The following KANSL2 variants were observed in gnomAD, a reference collection of about 807,000 sequenced individuals.
KANSL2 encodes the protein KAT8 regulatory NSL complex subunit 2.
KANSL2 carries 34 observed loss-of-function variants against 55.6 expected under a neutral mutation model. That is an observed-to-expected ratio of 0.61 (90% CI 0.46 to 0.81). The LOEUF (loss-of-function observed/expected upper bound fraction) is 0.81. Among genes scored for constraint, KANSL2 ranks in the 40% least tolerant of loss-of-function variants. KANSL2 has a pLI of 0.00. For missense variants in KANSL2, 502 were observed against 609.9 expected (o/e 0.82, Z 1.86); for synonymous variants, 209 against 214.3 (o/e 0.98, Z 0.22).
chr12:48,669,296 T>C, intron 5 of KANSL2, 24 bp from the exon 6 acceptor site: 1 of 1,506,034 alleles, frequency 6.6e-7, no homozygotes, highest in Non-Finnish European at 8.9e-7. Flanking sequence ...AGTCAAGATG[T>C]TATTTGCCAA....
intron 7 of KANSL2, among the ~76,000 whole-genome samples, chr12:48,667,177 T>A (rs1003133726): frequency 2.0e-5 from 3 of 151,840 alleles, no homozygotes; most frequent in African/African-American, 7.3e-5. Context: ...AGAGCAAAAC[T>A]CCATCTCCAA....
chr12:48,654,468 T>C (rs1416672314), intron 9 of KANSL2: 2 of 668,568 alleles, frequency 3.0e-6, no homozygotes, highest in Admixed American at 3.6e-5. Context: ...TTTAGGCCTC[T>C]GCTTGAAACC....
chr12:48,662,342 T>G (rs776769827), intron 7 of KANSL2, among the ~76,000 whole-genome samples: 162 of 152,316 alleles, frequency 1.1e-3, no homozygotes, highest in Non-Finnish European at 1.9e-3. Flanking sequence ...TGACCTCAGG[T>G]GATCAGCCCG....
chr12:48,664,468 T>C (rs146036505), intron 7 of KANSL2, among the ~76,000 whole-genome samples: 1,852 of 151,638 alleles, frequency 0.012, 33 homozygotes, highest in African/African-American at 0.043. Context: ...TTAGTAGAGA[T>C]GGGGTTTTGC....
At chr12:48,659,233 G>A (rs1316079881) in intron 8 of KANSL2, among the ~76,000 whole-genome samples, 1 of 152,022 alleles carries the variant, frequency 6.6e-6, no homozygotes, top group Non-Finnish European at 1.5e-5. Flanking sequence ...GGCAGAGGCT[G>A]CAGTGAGCTG....
intron 2 of KANSL2, chr12:48,681,118 TAA>T (rs1057233108): frequency 0.026 from 3,428 of 130,782 alleles, no homozygotes; most frequent in South Asian, 0.076. Flanking sequence ...CCATCTCTCT[TAA>T]AAAAAAAAAA....
At chr12:48,663,381 G>A (rs1187587159) in intron 7 of KANSL2, among the ~76,000 whole-genome samples, 1 of 152,020 alleles carries the variant, frequency 6.6e-6, no homozygotes, top group Non-Finnish European at 1.5e-5. Context: ...TTGAAAAATT[G>A]TATATTTTAA....
At chr12:48,679,612 A>C in intron 3 of KANSL2, 43 bp downstream of exon 3, 1 of 1,561,206 alleles carries the variant, frequency 6.4e-7, no homozygotes, top group Non-Finnish European at 8.8e-7. Context: ...GTTCCCCCTT[A>C]ACTTTCTTCC....
rs563240503 is a variant in KANSL2 at position 48,675,465 on chromosome 12, A to G, written c.546-3503T>C. Reference sequence around the variant, plus strand: ...AGTTACATCTTCAGAAAAATGGGTTATGCCTACATTAACCTGTCTGTAACC... The same window carrying G: ...AGTTACATCTTCAGAAAAATGGGTTGTGCCTACATTAACCTGTCTGTAACC... On this transcript the variant is annotated intron_variant, in intron 4 of 9. Coordinates refer to ENST00000420613, the MANE Select transcript of KANSL2 (RefSeq NM_017822.4). Among the ~76,000 whole-genome samples the G allele has an allele frequency of 3.9e-5, 6 of 152,334 alleles. No individual in the cohort carries two copies. The South Asian group carries it at 1.0e-3, about 26-fold the overall frequency.
At chr12:48,672,433 A>ATATATAT (rs371918890) in intron 4 of KANSL2, among the ~76,000 whole-genome samples, 2 of 120,384 alleles carry the variant, frequency 1.7e-5, no homozygotes, top group African/African-American at 7.3e-5. Context: ...ATATATATAT[A>ATATATAT]TTTTTTTTTT....
At chr12:48,655,341 G>A (rs1939357451) in intron 8 of KANSL2, among the ~76,000 whole-genome samples, 1 of 152,156 alleles carries the variant, frequency 6.6e-6, no homozygotes, top group Non-Finnish European at 1.5e-5. Context: ...GGCCAAGGTA[G>A]GCATATCACT....
At chr12:48,662,605 T>G in intron 7 of KANSL2, 1 of 1,288,028 alleles carries the variant, frequency 7.8e-7, no homozygotes, top group Non-Finnish European at 1.0e-6. Flanking sequence ...CTGTCTCCAT[T>G]AGACCACAGT....
In KANSL2 at chr12:48,653,654, C is replaced by T. The variant is rs1486415460; in HGVS notation, c.*390G>A. 1 of 158,700 alleles carries T rather than the reference C, an allele frequency of 6.3e-6. No homozygotes were observed. 9.8% of individuals were successfully genotyped at this position (158,700 alleles called of 1,614,324 possible). A position where few individuals can be genotyped will look rare whatever the true frequency, so the allele number is the denominator to read the frequency against. ...GTAGAGGTGAAGAAAAGCTAAACTG[C>T]AGGTCTTCAGATAGAGATAACCGAT... On this transcript the variant is annotated 3_prime_UTR_variant, in exon 10 of 10. Transcript: ENST00000420613.
chr12:48,679,863 A>T, intron 2 of KANSL2, 30 bp from the exon 3 acceptor site: 1 of 1,535,228 alleles, frequency 6.5e-7, no homozygotes, highest in Non-Finnish European at 8.8e-7. Context: ...ATATTTTATA[A>T]GTTCCTTCTT....
chr12:48,671,167 AG>A, intron 5 of KANSL2, among the ~76,000 whole-genome samples: 1 of 151,424 alleles, frequency 6.6e-6, no homozygotes, highest in South Asian at 2.1e-4. Context: ...TGGGAGGCTG[AG>A]GTGGGAGAAC....
intron 6 of KANSL2, among the ~76,000 whole-genome samples, 196 bp downstream of exon 6, chr12:48,668,910 C>T (rs1436964813): frequency 6.6e-6 from 1 of 152,040 alleles, no homozygotes; most frequent in Admixed American, 6.6e-5. Context: ...GTGGTGGGCA[C>T]CTGTAATCCC....
chr12:48,678,051 G>A (rs1939857444), intron 4 of KANSL2, among the ~76,000 whole-genome samples: 1 of 152,124 alleles, frequency 6.6e-6, no homozygotes, highest in Non-Finnish European at 1.5e-5. Context: ...AGCAGGGTCA[G>A]GAGAAAATGT....
intron 4 of KANSL2, 107 bp from the exon 5 acceptor site, chr12:48,672,069 C>T: frequency 3.3e-6 from 3 of 896,242 alleles, no homozygotes; most frequent in Non-Finnish European, 4.8e-6. Flanking sequence ...CAAGTGGTGA[C>T]ATAATCACCT....
intron 6 of KANSL2, among the ~76,000 whole-genome samples, chr12:48,668,643 G>A (rs1011037683): frequency 2.0e-5 from 3 of 152,150 alleles, no homozygotes; most frequent in Non-Finnish European, 4.4e-5. Context: ...ATGCTGCGGT[G>A]AGCCAAGACG....
Sources: gnomAD v4.1 joint callset for allele counts (sites outside exome capture counted in the v4.1 genomes callset) on GRCh38, gnomAD v4.1.1 for gene constraint, MANE v1.5 for transcripts, NCBI Gene and HGNC (gene_info 2026-07-23, HGNC 2026-07-21) for gene names.